Variants in ZNF804B observed in about 807,000 individuals in gnomAD.
ZNF804B encodes the protein zinc finger 804B.
ZNF804B carries 80 observed loss-of-function variants against 101.4 expected under a neutral mutation model. The ratio of observed to expected loss-of-function variants is 0.79; its 90% CI spans 0.66 to 0.95. ZNF804B has a LOEUF of 0.95. Among genes scored for constraint, ZNF804B ranks in the 40% least tolerant of loss-of-function variants. ZNF804B has a pLI of 0.00. For synonymous variants in ZNF804B, 622 were observed against 558.8 expected, an observed-to-expected ratio of 1.11 and a Z score of -1.59; for missense variants, 1,673 against 1,561.9, an observed-to-expected ratio of 1.07 and a Z score of -1.20.
At chr7:88,954,893 T>TA (rs1793280607) in intron 1 of ZNF804B, among the ~76,000 whole-genome samples, 1 of 151,658 alleles carries the variant, frequency 6.6e-6, no homozygotes. Context: ...AGATAAGAAT[T>TA]ACGTGAGTCT....
intron 2 of ZNF804B, among the ~76,000 whole-genome samples, chr7:89,260,367 A>C (rs1326224400): frequency 1.3e-5 from 2 of 151,662 alleles, no homozygotes; most frequent in Non-Finnish European, 2.9e-5. Flanking sequence ...TGAATAAGGT[A>C]CTTTTTTCCT....
At chr7:88,891,777 A>G (rs1254524827) in intron 1 of ZNF804B, among the ~76,000 whole-genome samples, 1 of 151,774 alleles carries the variant, frequency 6.6e-6, no homozygotes, top group Non-Finnish European at 1.5e-5. Context: ...TCTAGGGTAC[A>G]TGTGCACAAC....
At chr7:89,175,940 T>C (rs12672568) in intron 1 of ZNF804B, among the ~76,000 whole-genome samples, 62,317 of 151,740 alleles carry the variant, frequency 0.41, 13,314 homozygotes, top group Non-Finnish European at 0.47. Flanking sequence ...ATTTGTTGAT[T>C]AGTTCTAATA....
intron 1 of ZNF804B, among the ~76,000 whole-genome samples, chr7:88,893,866 A>T (rs1325607058): frequency 6.6e-6 from 1 of 152,174 alleles, no homozygotes; most frequent in Admixed American, 6.6e-5. Context: ...TTCATTGGGG[A>T]CATTATTACA....
rs573450348 is a variant in ZNF804B, at chr7:89,168,890, G to C, written c.109-49265G>C. ...TTCTTGGAGCTCCCAAGATGGGGGC[G>C]GGCCACTCCCAAGATGGCAGGAAGC... On this transcript the variant is annotated intron_variant, in intron 1 of 3. Coordinates refer to ENST00000333190, the MANE Select transcript of ZNF804B (RefSeq NM_181646.5). 3.6e-4 allele frequency among the ~76,000 whole-genome samples: 54 copies of C among 151,936 alleles called. 1 individual carries two copies. The highest frequency in any genetic ancestry group is 7.1e-4 in the Non-Finnish European group (48 of 67,994).
At chr7:89,111,616 T>C (rs139574743) in intron 1 of ZNF804B, among the ~76,000 whole-genome samples, 178 of 152,310 alleles carry the variant, frequency 1.2e-3, no homozygotes, top group African/African-American at 4.1e-3. Context: ...TAGATAAAAG[T>C]CTTATCACAT....
intron 1 of ZNF804B, among the ~76,000 whole-genome samples, chr7:88,981,553 G>T (rs1186011583): frequency 6.6e-6 from 1 of 152,014 alleles, no homozygotes; most frequent in East Asian, 2.0e-4. Flanking sequence ...TCTGAATCCA[G>T]CATAGCACCA....
At chr7:89,111,657 G>A (rs1790220517) in intron 1 of ZNF804B, among the ~76,000 whole-genome samples, 1 of 152,078 alleles carries the variant, frequency 6.6e-6, no homozygotes, top group African/African-American at 2.4e-5. Context: ...CTCTCAGTCT[G>A]TAGCTTATCT....
intron 1 of ZNF804B, among the ~76,000 whole-genome samples, chr7:88,817,235 A>G (rs751178589): frequency 2.0e-5 from 3 of 151,474 alleles, no homozygotes; most frequent in Non-Finnish European, 1.5e-5. Flanking sequence ...CTGTTGTGGG[A>G]TGGGGGGATG....
In ZNF804B at chr7:89,092,852, T is replaced by A. The variant is rs528088450; in HGVS notation, c.109-125303T>A. Reference sequence around the variant, plus strand: ...GTTCATCTTATACATTTTTAAAGAGTCCTGGTTCCTTTTATTGGAGGGTAG... The same window carrying A: ...GTTCATCTTATACATTTTTAAAGAGACCTGGTTCCTTTTATTGGAGGGTAG... On this transcript the variant is annotated intron_variant, in intron 1 of 3. Transcript: ENST00000333190. Among the ~76,000 whole-genome samples the A allele has an allele frequency of 5.3e-5, 8 of 152,192 alleles. No individual in the cohort carries two copies. In the South Asian group the frequency reaches 1.7e-3, roughly 32 times the overall value.
intron 1 of ZNF804B, among the ~76,000 whole-genome samples, chr7:89,035,629 G>C (rs1024147400): frequency 6.6e-6 from 1 of 151,708 alleles, no homozygotes; most frequent in Admixed American, 6.6e-5. Context: ...TTATCATGGA[G>C]TAATTTCTTG....
chr7:88,858,223 C>A (rs758980498), intron 1 of ZNF804B, among the ~76,000 whole-genome samples: 1 of 152,160 alleles, frequency 6.6e-6, no homozygotes, highest in Non-Finnish European at 1.5e-5. Flanking sequence ...ATTAGGCTAA[C>A]CTCTGAGTTT....
intron 1 of ZNF804B, among the ~76,000 whole-genome samples, chr7:89,080,294 TA>T (rs34691685): frequency 0.32 from 46,999 of 146,562 alleles, 8,005 homozygotes; most frequent in East Asian, 0.52. Flanking sequence ...CTCTTCACCT[TA>T]AAAAAAAAAA....
At chr7:89,093,120 A>T (rs1394276269) in intron 1 of ZNF804B, among the ~76,000 whole-genome samples, 1 of 152,070 alleles carries the variant, frequency 6.6e-6, no homozygotes, top group African/African-American at 2.4e-5. Context: ...ATCTCCCTTA[A>T]CTTATTTGTA....
intron 1 of ZNF804B, among the ~76,000 whole-genome samples, chr7:89,168,524 G>A (rs770050989): frequency 6.6e-6 from 1 of 152,004 alleles, no homozygotes; most frequent in Non-Finnish European, 1.5e-5. Context: ...GTCCTAATGG[G>A]CAATGAAAAC....
At chr7:89,141,923 C>A (rs1165493606) in intron 1 of ZNF804B, among the ~76,000 whole-genome samples, 1 of 150,910 alleles carries the variant, frequency 6.6e-6, no homozygotes, top group African/African-American at 2.4e-5. Flanking sequence ...AACTGTATTT[C>A]TCAACATAAA....
At chr7:89,096,244 A>C (rs1342512283) in intron 1 of ZNF804B, among the ~76,000 whole-genome samples, 3 of 152,130 alleles carry the variant, frequency 2.0e-5, no homozygotes, top group African/African-American at 7.2e-5. Context: ...GTTAAAACTG[A>C]ACACTGTGAT....
At chr7:88,851,799 G>A (rs1414427673) in intron 1 of ZNF804B, among the ~76,000 whole-genome samples, 2 of 152,018 alleles carry the variant, frequency 1.3e-5, no homozygotes, top group African/African-American at 4.8e-5. Context: ...AATGCATCAT[G>A]GAATTTATAA....
Position 88,854,418 on chromosome 7 carries a change from T to TTC in ZNF804B, c.108+94334_108+94335insTC, listed in dbSNP as rs1562812575. On this transcript the variant is annotated intron_variant, in intron 1 of 3. Transcript: ENST00000333190. Reference sequence around the variant, plus strand: ...TTCTTTCTTTCTTTCTTTCTTCCTTTCTTTCTTTCTTTCTTTCTTTCTTTC... The same window carrying TTC: ...TTCTTTCTTTCTTTCTTTCTTCCTTTTCCTTTCTTTCTTTCTTTCTTTCTTTC... Among the ~76,000 whole-genome samples the TTC allele has an allele frequency of 1.3e-3, 112 of 85,236 alleles. 2 individuals carry two copies. Among genetic ancestry groups the TTC allele is most frequent in the African/African-American group, 4.7e-3 (107 of 22,922 alleles). The allele number at this position is 85,236 out of a possible 152,430, so 55.9% of individuals were successfully genotyped here. A position where few individuals can be genotyped will look rare whatever the true frequency, so the allele number is the denominator to read the frequency against.
Sources: gnomAD v4.1 joint callset for allele counts (sites outside exome capture counted in the v4.1 genomes callset) on GRCh38, gnomAD v4.1.1 for gene constraint, MANE v1.5 for transcripts, NCBI Gene and HGNC (gene_info 2026-07-23, HGNC 2026-07-21) for gene names.